Variants in COP1 observed in about 807,000 individuals in gnomAD.
COP1 encodes the protein E3 ubiquitin-protein ligase COP1.
COP1 carries 24 observed loss-of-function variants against 101.3 expected under a neutral mutation model. That is an observed-to-expected ratio of 0.24 (90% confidence interval 0.17 to 0.33). The LOEUF (loss-of-function observed/expected upper bound fraction) is 0.33. COP1 is among the 10% of genes least tolerant of loss of function. The pLI is 1.00. For synonymous variants in COP1, 347 were observed against 341.9 expected (o/e 1.01, Z -0.17); for missense variants, 663 against 906.2 (o/e 0.73, Z 3.45).
chr1:176,141,858 G>C (rs1690738259), intron 6 of COP1, among the ~76,000 whole-genome samples: 1 of 151,674 alleles, frequency 6.6e-6, no homozygotes, highest in Admixed American at 6.6e-5. Flanking sequence ...AGCCTCCCAA[G>C]TAGCGGGGAC....
intron 9 of COP1, among the ~76,000 whole-genome samples, chr1:176,096,026 T>C (rs531264031): frequency 8.1e-4 from 123 of 152,310 alleles, no homozygotes; most frequent in African/African-American, 2.9e-3. Context: ...GACTCTCTCT[T>C]GCTTTGCTGA....
chr1:176,088,721 C>T lies in COP1; in HGVS notation c.1027-2831G>A, dbSNP rs1004434128. Among the ~76,000 whole-genome samples the T allele has an allele frequency of 5.9e-5, 9 of 152,242 alleles. No homozygotes were observed. In the East Asian group the frequency reaches 7.7e-4, roughly 13 times the overall value. On this transcript the variant is annotated intron_variant, in intron 9 of 19. Coordinates refer to ENST00000367669, the MANE Select transcript of COP1 (RefSeq NM_022457.7). ...TGTAAGAAATATCTATTTGGCCGGGCGCAGTGGCTCGTACCTGTAATCCCA... is the reference window on the plus strand; with the variant it reads ...TGTAAGAAATATCTATTTGGCCGGGTGCAGTGGCTCGTACCTGTAATCCCA...
chr1:176,165,419 C>T (rs937356953), intron 3 of COP1, among the ~76,000 whole-genome samples: 6 of 132,970 alleles, frequency 4.5e-5, no homozygotes, highest in Non-Finnish European at 6.5e-5. Context: ...GGAGATACAA[C>T]GATTTAAAAT....
intron 15 of COP1, among the ~76,000 whole-genome samples, chr1:175,995,270 C>A (rs775686148): frequency 3.9e-5 from 6 of 152,172 alleles, no homozygotes; most frequent in Non-Finnish European, 5.9e-5. Flanking sequence ...ATTTATAGCA[C>A]TAAATGCTCA....
chr1:176,010,336 G>A (rs1158037784), intron 15 of COP1, among the ~76,000 whole-genome samples: 1 of 152,010 alleles, frequency 6.6e-6, no homozygotes, highest in Admixed American at 6.6e-5. Context: ...AATATACAAT[G>A]CATCCTATAT....
chr1:176,080,628 A>G (rs1032260606), intron 11 of COP1, among the ~76,000 whole-genome samples: 1 of 152,230 alleles, frequency 6.6e-6, no homozygotes, highest in Non-Finnish European at 1.5e-5. Context: ...AGGCAATATT[A>G]TGAATAATTG....
Position 175,996,363 on chromosome 1 carries a change from C to T in COP1, c.1730-6884G>A, listed in dbSNP as rs796472187. On this transcript the variant is annotated intron_variant, in intron 15 of 19. Transcript: ENST00000367669. ...AAGACAGGGATGCCCTCTCTCACCA[C>T]TCCTCTTCAACATAGTGTTGGAAGT... Among the ~76,000 whole-genome samples the T allele has an allele frequency of 8.2e-3, 1,232 of 149,384 alleles. 7 individuals carry two copies. The highest frequency in any genetic ancestry group is 0.032 in the South Asian group (151 of 4,730).
chr1:176,030,824 G>A (rs1668536729), intron 14 of COP1, among the ~76,000 whole-genome samples: 1 of 152,168 alleles, frequency 6.6e-6, no homozygotes, highest in Non-Finnish European at 1.5e-5. Context: ...CCAGGTACTT[G>A]TGAACATCAC....
At position 176,174,007 on chromosome 1, in the gene COP1, A is replaced by AAAG. The variant is rs1456552067; in HGVS notation, c.565+1902_565+1903insCTT. 2.2e-4 allele frequency among the ~76,000 whole-genome samples: 27 copies of AAAG among 122,024 alleles called. 1 individual carries two copies. Among genetic ancestry groups the AAAG allele is most frequent in the African/African-American group, 5.0e-4 (19 of 38,030 alleles). The allele number at this position is 122,024 out of a possible 152,430, so 80.1% of individuals were successfully genotyped here. A position where few individuals can be genotyped will look rare whatever the true frequency, so the allele number is the denominator to read the frequency against. On this transcript the variant is annotated intron_variant, in intron 3 of 19. Coordinates refer to ENST00000367669, the MANE Select transcript of COP1 (RefSeq NM_022457.7). ...GTCTCAAAAAAAAAAAAAAAAAAAA[A>AAAG]AGAGAATATATATAATGTAGGGGAT...
At chr1:176,149,112 T>A (rs1236003427) in intron 5 of COP1, 38 bp from the exon 6 acceptor site, 2 of 1,367,474 alleles carry the variant, frequency 1.5e-6, no homozygotes. Context: ...TTAAAAAATA[T>A]AACTGAGTTG....
intron 12 of COP1, among the ~76,000 whole-genome samples, chr1:176,045,354 G>T (rs1031770764): frequency 6.6e-6 from 1 of 151,832 alleles, no homozygotes; most frequent in Non-Finnish European, 1.5e-5. Flanking sequence ...TATCGATATA[G>T]TATTTTTATA....
chr1:176,158,630 C>CTTTTTTTTTTTTTTTT (rs35518162), intron 5 of COP1, among the ~76,000 whole-genome samples: 4 of 79,312 alleles, frequency 5.0e-5, no homozygotes, highest in Non-Finnish European at 6.6e-5. Context: ...TTTTAAGGTT[C>CTTTTTTTTTTTTTTTT]TTTTTTTTTT....
intron 9 of COP1, among the ~76,000 whole-genome samples, chr1:176,106,297 C>T (rs1684292229): frequency 1.3e-5 from 2 of 152,188 alleles, no homozygotes; most frequent in South Asian, 4.1e-4. Flanking sequence ...TCCCAAAGTG[C>T]TGGGATTACA....
chr1:176,102,177 C>G (rs1457765763), intron 9 of COP1, among the ~76,000 whole-genome samples: 2 of 152,122 alleles, frequency 1.3e-5, no homozygotes, highest in African/African-American at 4.8e-5. Context: ...TCTCTTGTCC[C>G]TGGGTGGTGA....
At chr1:175,955,073 C>T (rs989675824) in intron 18 of COP1, among the ~76,000 whole-genome samples, 1 of 151,860 alleles carries the variant, frequency 6.6e-6, no homozygotes, top group South Asian at 2.1e-4. Context: ...TATGGCGAAA[C>T]CCTCTCTATC....
chr1:175,975,187 T>G (rs911889149), intron 18 of COP1, among the ~76,000 whole-genome samples: 1 of 152,148 alleles, frequency 6.6e-6, no homozygotes, highest in Non-Finnish European at 1.5e-5. Flanking sequence ...TAAAAGCTTC[T>G]AAGTTACCTA....
intron 11 of COP1, among the ~76,000 whole-genome samples, chr1:176,058,385 A>T (rs1674195702): frequency 6.6e-6 from 1 of 152,184 alleles, no homozygotes; most frequent in African/African-American, 2.4e-5. Flanking sequence ...GTGTAGAAAG[A>T]AGTAGACATG....
intron 18 of COP1, among the ~76,000 whole-genome samples, chr1:175,979,070 T>A (rs1655212912): frequency 6.6e-6 from 1 of 152,160 alleles, no homozygotes. Flanking sequence ...TTGGTTAGGA[T>A]GTATAACAAA....
At chr1:176,068,373 C>T (rs1676379374) in intron 11 of COP1, among the ~76,000 whole-genome samples, 1 of 152,134 alleles carries the variant, frequency 6.6e-6, no homozygotes, top group South Asian at 2.1e-4. Context: ...AATTCTTACA[C>T]ATAGCACAGA....
Sources: allele counts gnomAD v4.1 joint callset (sites outside exome capture counted in the v4.1 genomes callset), GRCh38; gene constraint gnomAD v4.1.1; transcripts MANE v1.5; gene names NCBI Gene and HGNC (gene_info 2026-07-23, HGNC 2026-07-21).